Variants in AKR7A3 observed in about 807,000 individuals in gnomAD.
The protein encoded by AKR7A3 is AFB1 aldehyde reductase 2.
Under a neutral mutation model 32.5 loss-of-function variants are expected in AKR7A3, and 37 were observed. The observed-to-expected ratio is 1.14, with a 90% CI of 0.88 to 1.50. The LOEUF is 1.50. AKR7A3 is among the 40% of genes most tolerant of loss of function. AKR7A3 has a pLI of 0.00. For synonymous variants in AKR7A3, 177 were observed against 188.4 expected (o/e 0.94, Z 0.50); for missense variants, 412 against 453.2 (o/e 0.91, Z 0.83).
intron 1 of AKR7A3, among the ~76,000 whole-genome samples, chr1:19,287,878 A>G (rs1420213782): frequency 2.0e-5 from 3 of 152,078 alleles, no homozygotes; most frequent in African/African-American, 4.8e-5. Flanking sequence ...CAGAGAGGGC[A>G]GTGAGACTCT....
At chr1:19,280,698 G>C (rs2093717443), downstream of AKR7A3, among the ~76,000 whole-genome samples, 1 of 151,482 alleles carries the variant, frequency 6.6e-6, no homozygotes, top group Non-Finnish European at 1.5e-5. Flanking sequence ...AGCCTCCCGA[G>C]TAGCTGGGAC....
downstream of AKR7A3, among the ~76,000 whole-genome samples, chr1:19,278,955 A>G (rs978460452): frequency 2.0e-4 from 30 of 151,748 alleles, no homozygotes; most frequent in African/African-American, 7.3e-4. Context: ...ACTTCATTTT[A>G]TTTACTTATT....
At chr1:19,284,656 A>T (rs2093725700) in intron 5 of AKR7A3, 30 bp downstream of exon 5, 2 of 1,610,270 alleles carry the variant, frequency 1.2e-6, no homozygotes, top group Non-Finnish European at 1.7e-6. Flanking sequence ...ACCCCACCCC[A>T]GCCATCCACA....
chr1:19,277,715 C>A (rs971810612), downstream of AKR7A3, among the ~76,000 whole-genome samples: 1 of 151,828 alleles, frequency 6.6e-6, no homozygotes, highest in African/African-American at 2.4e-5. Flanking sequence ...GAGACAGCGT[C>A]TCGCCATGTT....
At chr1:19,282,913 C>T (rs776691439) in intron 6 of AKR7A3, 21 bp from the exon 7 acceptor site, 5 of 1,601,486 alleles carry the variant, frequency 3.1e-6, no homozygotes, top group Admixed American at 1.7e-5. Flanking sequence ...GACGGCCAGA[C>T]TTCAACCCTC....
intron 1 of AKR7A3, among the ~76,000 whole-genome samples, chr1:19,288,095 G>A (rs1238810465): frequency 1.3e-5 from 2 of 152,182 alleles, no homozygotes; most frequent in Admixed American, 6.5e-5. Context: ...CAGGCGGTAA[G>A]AACAGAATTT....
At chr1:19,283,010 A>G in intron 6 of AKR7A3, 118 bp from the exon 7 acceptor site, 1 of 1,186,400 alleles carries the variant, frequency 8.4e-7, no homozygotes, top group Non-Finnish European at 1.2e-6. Context: ...ATGTCCAGAA[A>G]GAACTTAAGG....
chr1:19,279,249 ACT>A (rs2093715493), downstream of AKR7A3, among the ~76,000 whole-genome samples: 1 of 151,908 alleles, frequency 6.6e-6, no homozygotes, highest in South Asian at 2.1e-4. Context: ...GGCGTGAGCT[ACT>A]TTTTTATTAT....
chr1:19,282,503 T>G, downstream of AKR7A3: 1 of 737,614 alleles, frequency 1.4e-6, no homozygotes, highest in Admixed American at 2.9e-5. Context: ...AATAAACCTC[T>G]TTTCTTTATA....
chr1:19,287,373 A>G (rs992246166), intron 1 of AKR7A3, among the ~76,000 whole-genome samples: 3 of 151,844 alleles, frequency 2.0e-5, no homozygotes, highest in Admixed American at 1.3e-4. Context: ...TGATCTAGAA[A>G]GAGCGTGGCA....
Position 19,284,734 on chromosome 1 carries a change from G to A in AKR7A3, c.656C>T (p.Pro219Leu). ...GGTATTCCCAAAGAAGCGGCCCACG[G>A]GCTGTTTCCCATTCTTGTCCTCATA... ...YKYEDKNGKQPVGRFFGNTWA... is the reference protein window; with the variant it reads ...YKYEDKNGKQLVGRFFGNTWA... The change falls in exon 5 of 7, where the codon CCC (proline) becomes CTC (leucine). Residue 219 changes from proline to leucine, a missense_variant. Pro to Leu is a moderately conservative substitution (Grantham distance 98). Coordinates refer to ENST00000361640, the MANE Select transcript of AKR7A3 (RefSeq NM_012067.3). 6.2e-7 allele frequency: 1 copy of A among 1,613,812 alleles called. No individual in the cohort carries two copies. The highest frequency in any genetic ancestry group is 8.5e-7 in the Non-Finnish European group (1 of 1,179,998).
At chr1:19,280,013 C>T (rs139275705), downstream of AKR7A3, among the ~76,000 whole-genome samples, 27 of 151,676 alleles carry the variant, frequency 1.8e-4, 2 homozygotes, top group African/African-American at 6.6e-4. Context: ...CCAGTGTGGC[C>T]CAGGGAAACC....
intron 1 of AKR7A3, among the ~76,000 whole-genome samples, chr1:19,287,110 C>A (rs1223566951): frequency 6.6e-6 from 1 of 151,758 alleles, no homozygotes; most frequent in East Asian, 1.9e-4. Flanking sequence ...GGTTTAAGAC[C>A]AGCCTGGGCA....
intron 3 of AKR7A3, 122 bp downstream of exon 3, chr1:19,285,766 G>A (rs565802788): frequency 2.4e-4 from 295 of 1,252,866 alleles, no homozygotes; most frequent in African/African-American, 2.2e-3. Context: ...GGAGCCATCT[G>A]CAGGCTTTCA....
chr1:19,284,180 A>G, intron 5 of AKR7A3, 55 bp from the exon 6 acceptor site: 12 of 1,567,076 alleles, frequency 7.7e-6, no homozygotes, highest in Non-Finnish European at 1.0e-5. Flanking sequence ...AGCCACAACC[A>G]AAGAGCCAAC....
At chr1:19,283,291 G>A (rs1324651804) in intron 6 of AKR7A3, among the ~76,000 whole-genome samples, 1 of 151,402 alleles carries the variant, frequency 6.6e-6, no homozygotes, top group African/African-American at 2.4e-5. Context: ...TCTAAGGCTG[G>A]AGTTGGATAT....
chr1:19,288,376 G>C, intron 1 of AKR7A3, 120 bp downstream of exon 1: 1 of 1,272,038 alleles, frequency 7.9e-7, no homozygotes, highest in Non-Finnish European at 1.1e-6. Context: ...CAGGGGTGGG[G>C]GCGGTGGGGG....
At chr1:19,283,906 A>C in intron 6 of AKR7A3, 90 bp downstream of exon 6, 1 of 1,575,422 alleles carries the variant, frequency 6.3e-7, no homozygotes. Flanking sequence ...ATTTCAGAGG[A>C]ATCGATAAAC....
chr1:19,277,584 C>T (rs1205350037), downstream of AKR7A3, among the ~76,000 whole-genome samples: 2 of 151,622 alleles, frequency 1.3e-5, 1 homozygote, highest in African/African-American at 4.9e-5. Flanking sequence ...TGCAGTGGTG[C>T]GATCTCGGCT....
Sources: gnomAD v4.1 joint callset for allele counts (sites outside exome capture counted in the v4.1 genomes callset) on GRCh38, gnomAD v4.1.1 for gene constraint, MANE v1.5 for transcripts, NCBI Gene and HGNC (gene_info 2026-07-23, HGNC 2026-07-21) for gene names.